Variants in ATP9A observed in about 807,000 individuals in gnomAD.
ATP9A encodes ATPase phospholipid transporting 9A, also known as probable phospholipid-transporting ATPase IIA.
In ATP9A, 52 loss-of-function variants were observed where a neutral mutation model predicts 144.1. That is an observed-to-expected ratio of 0.36 (90% CI 0.29 to 0.45). ATP9A has a LOEUF of 0.45. Ranked by LOEUF, ATP9A falls within the 20% of genes least tolerant of loss-of-function variation. The pLI is 1.00. For synonymous variants in ATP9A, 582 were observed against 557.4 expected (o/e 1.04, Z -0.62); for missense variants, 947 against 1,392.7 (o/e 0.68, Z 5.09).
chr20:51,637,392 C>T (rs2077296888), intron 15 of ATP9A, among the ~76,000 whole-genome samples: 1 of 150,024 alleles, frequency 6.7e-6, no homozygotes. Flanking sequence ...CTACCGTGTG[C>T]CAGGCAGGAA....
intron 13 of ATP9A, among the ~76,000 whole-genome samples, chr20:51,660,621 G>A: frequency 6.6e-6 from 1 of 152,124 alleles, no homozygotes; most frequent in East Asian, 1.9e-4. Context: ...ATACTCATTG[G>A]TGCTGAAACT....
rs2077156902 is a variant in ATP9A, at chr20:51,604,830, T to G, written c.2994A>C (p.Leu998Phe). 4 of 1,522,978 alleles carry G rather than the reference T, an allele frequency of 2.6e-6. No homozygotes were observed. The highest frequency in any genetic ancestry group is 3.5e-6 in the Non-Finnish European group (4 of 1,131,796). 94.3% of individuals were successfully genotyped at this position (1,522,978 alleles called of 1,614,324 possible). A position where few individuals can be genotyped will look rare whatever the true frequency, so the allele number is the denominator to read the frequency against. ...CAGGGGTCTTACCGATGAACTCGTG[T>G]AAGAACACCAGGGAGGCGATGTAGC... ...LACYIASLVF[L>F]HEFIDVYFIA... The change falls in exon 27 of 28, where the codon TTA (leucine) becomes TTC (phenylalanine). Residue 998 changes from leucine (L) to phenylalanine (F), a missense_variant. Physicochemically the swap from Leu to Phe is conservative, Grantham distance 22. Around this residue, in one of 2 missense-constraint regions of ATP9A, gnomAD observed 177 missense variants for 344.9 expected, o/e 0.51. Transcript: ENST00000338821.
intron 1 of ATP9A, among the ~76,000 whole-genome samples, chr20:51,760,183 C>T (rs540205845): frequency 3.5e-4 from 54 of 152,256 alleles, no homozygotes; most frequent in African/African-American, 1.3e-3. Context: ...AAAAAATACA[C>T]GTGTCAGATA....
chr20:51,735,906 A>G (rs541454805), intron 1 of ATP9A, among the ~76,000 whole-genome samples: 1 of 152,352 alleles, frequency 6.6e-6, no homozygotes, highest in South Asian at 2.1e-4. Context: ...CCGGGCATTC[A>G]GTAGCGAACA....
chr20:51,741,049 A>ATAAATTTTAATTAATTAATTAAAAG (rs2077783077), intron 1 of ATP9A, among the ~76,000 whole-genome samples: 12 of 151,762 alleles, frequency 7.9e-5, no homozygotes, highest in African/African-American at 2.9e-4. Flanking sequence ...TTAATTAAAA[A>ATAAATTTTAATTAATTAATTAAAAG]TAAATTTTAA....
intron 14 of ATP9A, among the ~76,000 whole-genome samples, chr20:51,642,721 G>A (rs1381447117): frequency 3.3e-5 from 2 of 61,386 alleles, no homozygotes; most frequent in Non-Finnish European, 5.7e-5. Context: ...GTGAGACTCT[G>A]TCTCCAAAAA....
chr20:51,601,254 C>G lies in ATP9A; in HGVS notation c.3101G>C (p.Arg1034Pro). 1 of 1,613,712 alleles carries G rather than the reference C, an allele frequency of 6.2e-7. No homozygotes were observed. Among genetic ancestry groups the G allele is most frequent in the Non-Finnish European group, 8.5e-7 (1 of 1,179,820 alleles). ...GTAGCTGGGGGGAGAGAACCGTCTTCGCAGGTACTTGAGGACATAGAGGGG... is the reference window on the plus strand; with the variant it reads ...GTAGCTGGGGGGAGAGAACCGTCTTGGCAGGTACTTGAGGACATAGAGGGG... ...CLPLYVLKYLRRRFSPPSYSK... is the reference protein window; with the variant it reads ...CLPLYVLKYLPRRFSPPSYSK... The change falls in exon 28 of 28, where the codon CGA becomes CCA. Residue 1034 changes from arginine (R) to proline (P), a missense_variant. By Grantham distance (103) the Arg-to-Pro change is moderately radical. Around this residue, in one of 2 missense-constraint regions of ATP9A, gnomAD observed 177 missense variants for 344.9 expected, o/e 0.51. Coordinates refer to ENST00000338821, the MANE Select transcript of ATP9A (RefSeq NM_006045.3).
intron 1 of ATP9A, among the ~76,000 whole-genome samples, chr20:51,736,190 G>A (rs1192846662): frequency 1.3e-5 from 2 of 152,250 alleles, no homozygotes; most frequent in African/African-American, 4.8e-5. Flanking sequence ...AGCATGCAAA[G>A]ACTGGCTGCA....
intron 1 of ATP9A, among the ~76,000 whole-genome samples, chr20:51,751,809 C>T (rs941831748): frequency 3.9e-5 from 6 of 152,084 alleles, no homozygotes; most frequent in East Asian, 1.9e-4. Context: ...AGGATGGTCT[C>T]GATCTCCTGA....
intron 15 of ATP9A, among the ~76,000 whole-genome samples, chr20:51,631,426 G>T (rs1027219126): frequency 6.6e-6 from 1 of 152,158 alleles, no homozygotes; most frequent in South Asian, 2.1e-4. Flanking sequence ...ACAACCAAAG[G>T]GTGCTCAACA....
chr20:51,737,858 A>T (rs1438320523), intron 1 of ATP9A, among the ~76,000 whole-genome samples: 1 of 152,106 alleles, frequency 6.6e-6, no homozygotes, highest in African/African-American at 2.4e-5. Flanking sequence ...TAAAATAAGT[A>T]AGCGAAAGAG....
In ATP9A at chr20:51,692,796, C is replaced by T. The variant is rs1336813787; in HGVS notation, c.642+1212G>A. ...CAGCCTGGGTGACAGAGCAAGATTC[C>T]GTCTCATAAATAAATAAATAATAAA... On this transcript the variant is annotated intron_variant, in intron 7 of 27. Coordinates refer to ENST00000338821, the MANE Select transcript of ATP9A (RefSeq NM_006045.3). 2.6e-5 allele frequency among the ~76,000 whole-genome samples: 4 copies of T among 151,998 alleles called. No homozygotes were observed. In the East Asian group the frequency reaches 5.8e-4, roughly 22 times the overall value.
At chr20:51,733,336 G>A (rs1303687566) in intron 1 of ATP9A, among the ~76,000 whole-genome samples, 1 of 151,698 alleles carries the variant, frequency 6.6e-6, no homozygotes, top group Non-Finnish European at 1.5e-5. Flanking sequence ...CCAAGATGGA[G>A]ACACCAATAG....
chr20:51,597,743 G>C lies in ATP9A; in HGVS notation c.*3468C>G, dbSNP rs1286453711. ...AAAGTATAAAAAGAAAAGTCTGGCGGGGGGTGGGGGAGGCATTAGCATATC... is the reference window on the plus strand; with the variant it reads ...AAAGTATAAAAAGAAAAGTCTGGCGCGGGGTGGGGGAGGCATTAGCATATC... On this transcript the variant is annotated 3_prime_UTR_variant, in exon 28 of 28. Coordinates refer to ENST00000338821, the MANE Select transcript of ATP9A (RefSeq NM_006045.3). 6.6e-6 allele frequency: 1 copy of C among 152,056 alleles called. No homozygotes were observed. Among genetic ancestry groups the C allele is most frequent in the Non-Finnish European group, 1.5e-5 (1 of 68,010 alleles). 9.4% of individuals were successfully genotyped at this position (152,056 alleles called of 1,614,324 possible). A position where few individuals can be genotyped will look rare whatever the true frequency, so the allele number is the denominator to read the frequency against.
At chr20:51,608,363 C>A (rs1470541749) in intron 25 of ATP9A, among the ~76,000 whole-genome samples, 155 bp downstream of exon 25, 5 of 152,128 alleles carry the variant, frequency 3.3e-5, no homozygotes, top group Admixed American at 1.3e-4. Context: ...CACACCTTCC[C>A]CCCAAAAGTA....
At chr20:51,758,652 C>T (rs2077866317) in intron 1 of ATP9A, among the ~76,000 whole-genome samples, 2 of 152,142 alleles carry the variant, frequency 1.3e-5, no homozygotes, top group South Asian at 2.1e-4. Context: ...TTGGGCTGGG[C>T]GCAGTGGCTT....
At chr20:51,750,472 C>T (rs1294572940) in intron 1 of ATP9A, among the ~76,000 whole-genome samples, 1 of 152,192 alleles carries the variant, frequency 6.6e-6, no homozygotes, top group Non-Finnish European at 1.5e-5. Flanking sequence ...CCCCACACAG[C>T]ACGAGCCCAA....
rs1448209522 is a variant in ATP9A at position 51,720,756 on chromosome 20, C to T, written c.327+5063G>A. On this transcript the variant is annotated intron_variant, in intron 3 of 27. Transcript: ENST00000338821. ...GGCTGAGGCATGAGAATCGTTTGAA[C>T]CCGGGAGGTGATGGCTACAGTGAGC... 3.9e-5 allele frequency among the ~76,000 whole-genome samples: 6 copies of T among 152,148 alleles called. No individual in the cohort carries two copies. In the East Asian group the frequency reaches 1.2e-3, roughly 29 times the overall value.
intron 24 of ATP9A, 136 bp from the exon 25 acceptor site, chr20:51,608,762 C>T (rs75664506): frequency 1.6e-6 from 1 of 637,824 alleles, no homozygotes; most frequent in African/African-American, 1.8e-5. Flanking sequence ...CCGGGGCTGG[C>T]TGTAAGCACC....
Sources: gnomAD v4.1 joint callset for allele counts (sites outside exome capture counted in the v4.1 genomes callset) on GRCh38, gnomAD v4.1.1 for gene constraint, gnomAD v4.1.1 regional missense constraint, MANE v1.5 for transcripts, NCBI Gene and HGNC (gene_info 2026-07-23, HGNC 2026-07-21) for gene names.